Variants in ARMC9 observed in about 807,000 individuals in gnomAD.
ARMC9 encodes lisH domain-containing protein ARMC9.
In ARMC9, 94 loss-of-function variants were observed where a neutral mutation model predicts 107.0. That is an observed-to-expected ratio of 0.88 (90% CI 0.74 to 1.04). The LOEUF (loss-of-function observed/expected upper bound fraction) is 1.04. Ranked by LOEUF, ARMC9 falls within the 50% of genes least tolerant of loss-of-function variation. ARMC9 has a pLI of 0.00. For missense variants in ARMC9, 942 were observed against 1,030.1 expected (o/e 0.91, Z 1.17); for synonymous variants, 380 against 396.9 (o/e 0.96, Z 0.51).
In ARMC9 at chr2:231,358,989, G is replaced by A. The variant is rs992609245; in HGVS notation, c.2132-1765G>A. 3.3e-5 allele frequency among the ~76,000 whole-genome samples: 5 copies of A among 151,902 alleles called. No homozygotes were observed. Among genetic ancestry groups the A allele is most frequent in the African/African-American group, 9.7e-5 (4 of 41,290 alleles). ...AGCCCTGTCTGAAATGGACCAGCAG[G>A]CAAGAGATACTACTGTCCCAGGAAG... On this transcript the variant is annotated intron_variant, in intron 22 of 24. Transcript: ENST00000611582. This position sits in a 1 kb window ranked among gnomAD's most constrained non-coding sequence, Gnocchi z 4.5.
chr2:231,273,605 G>A (rs2039516379), intron 14 of ARMC9, among the ~76,000 whole-genome samples: 1 of 152,134 alleles, frequency 6.6e-6, no homozygotes, highest in South Asian at 2.1e-4. Flanking sequence ...AGTAGAGACA[G>A]GATTTTACCA....
intron 19 of ARMC9, among the ~76,000 whole-genome samples, chr2:231,298,457 A>G (rs2041518232): frequency 1.3e-5 from 2 of 152,216 alleles, no homozygotes; most frequent in Non-Finnish European, 2.9e-5. Context: ...GAGAAGTAGC[A>G]CTGTTGTTGG....
Position 231,255,320 on chromosome 2 carries a change from G to GT in ARMC9, c.880-1260dup, listed in dbSNP as rs1680132345. Among the ~76,000 whole-genome samples the GT allele has an allele frequency of 6.6e-6, 1 of 152,142 alleles. No homozygotes were observed. The highest frequency in any genetic ancestry group is 1.9e-4 in the East Asian group (1 of 5,170). On this transcript the variant is annotated intron_variant, in intron 9 of 24. Coordinates refer to ENST00000611582, the MANE Select transcript of ARMC9 (RefSeq NM_001352754.2). The surrounding 1 kb of genome is among the most constrained non-coding windows in gnomAD (Gnocchi z 4.7). ...GTGGGGTGGAAGAGGGGTTGTTAAT[G>GT]TTTTTTAAACACGTGTAGAAAATGT...
intron 17 of ARMC9, among the ~76,000 whole-genome samples, chr2:231,283,846 C>T (rs1245029348): frequency 6.6e-6 from 1 of 152,196 alleles, no homozygotes; most frequent in African/African-American, 2.4e-5. Context: ...CATCCTCCTG[C>T]CTCAGCTTAT....
intron 19 of ARMC9, among the ~76,000 whole-genome samples, chr2:231,308,860 A>G (rs1394904140): frequency 6.6e-6 from 1 of 152,240 alleles, no homozygotes; most frequent in Non-Finnish European, 1.5e-5. Flanking sequence ...GCCAGAGGCT[A>G]GCTGCTCTCC....
chr2:231,257,640 A>T (rs2125405969), intron 10 of ARMC9, among the ~76,000 whole-genome samples: 1 of 152,216 alleles, frequency 6.6e-6, no homozygotes, highest in South Asian at 2.1e-4. Flanking sequence ...GTGACTGGGG[A>T]TTACTTGTTT....
At chr2:231,327,434 T>C (rs1439220213) in intron 19 of ARMC9, among the ~76,000 whole-genome samples, 1 of 152,198 alleles carries the variant, frequency 6.6e-6, no homozygotes, top group Non-Finnish European at 1.5e-5. Context: ...TGGAATCATA[T>C]AGTATGCAAC....
chr2:231,270,068 G>C (rs559195412), intron 12 of ARMC9, among the ~76,000 whole-genome samples: 1 of 152,124 alleles, frequency 6.6e-6, no homozygotes, highest in Admixed American at 6.5e-5. Flanking sequence ...TGATTTCACG[G>C]TCTCTAATTC....
chr2:231,237,242 G>A (rs1574725093), intron 8 of ARMC9, among the ~76,000 whole-genome samples: 3 of 150,962 alleles, frequency 2.0e-5, no homozygotes, highest in East Asian at 3.9e-4. Context: ...CCCTTAGTTG[G>A]GATCATATGA....
Position 231,214,791 on chromosome 2 carries a change from A to C in ARMC9, c.178-40A>C, listed in dbSNP as rs182291206. On this transcript the variant is annotated intron_variant, in intron 3 of 24. Coordinates refer to ENST00000611582, the MANE Select transcript of ARMC9 (RefSeq NM_001352754.2). The stretch of plus-strand genomic sequence containing the variant: ...GGGTTGTGAGAATTTTGGGTGTTGA[A>C]ATTTACAACGAGGTATGTAGTCTGA... The C allele has an allele frequency of 8.1e-6, 13 of 1,596,952 alleles. No individual in the cohort carries two copies. The East Asian group carries it at 2.7e-4, about 33-fold the overall frequency.
rs575744311 is a variant in ARMC9 at position 231,364,799 on chromosome 2, A to C, written c.2261+3916A>C. Among the ~76,000 whole-genome samples the C allele has an allele frequency of 6.0e-3, 657 of 108,656 alleles. 6 individuals carry two copies. Among genetic ancestry groups the C allele is most frequent in the African/African-American group, 0.056 (621 of 11,120 alleles). 71.3% of individuals were successfully genotyped at this position (108,656 alleles called of 152,430 possible). A position where few individuals can be genotyped will look rare whatever the true frequency, so the allele number is the denominator to read the frequency against. On this transcript the variant is annotated intron_variant, in intron 23 of 24. Transcript: ENST00000611582. ...GACAACAGGGCAAGATTTCATTTCAAAAAAAAAAAAGAAAGAAAGAAAGTG... is the reference window on the plus strand; with the variant it reads ...GACAACAGGGCAAGATTTCATTTCACAAAAAAAAAAGAAAGAAAGAAAGTG...
chr2:231,247,681 A>C (rs2036903012), intron 9 of ARMC9, among the ~76,000 whole-genome samples: 2 of 152,198 alleles, frequency 1.3e-5, no homozygotes, highest in African/African-American at 2.4e-5. Flanking sequence ...CTGTAATCCC[A>C]GCACTTTGGG....
chr2:231,223,495 A>G (rs77913620), intron 6 of ARMC9, among the ~76,000 whole-genome samples: 2,001 of 152,328 alleles, frequency 0.013, 48 homozygotes, highest in African/African-American at 0.046. Flanking sequence ...AAAGACAAGT[A>G]TCTCCTTTTA....
intron 21 of ARMC9, among the ~76,000 whole-genome samples, chr2:231,350,042 AT>A (rs2044994361): frequency 6.7e-6 from 1 of 149,398 alleles, no homozygotes; most frequent in African/African-American, 2.5e-5. Flanking sequence ...AAAAAAAAAA[AT>A]TGAGGGGAAG....
intron 22 of ARMC9, among the ~76,000 whole-genome samples, chr2:231,356,316 A>C (rs2045343345): frequency 6.6e-6 from 1 of 152,202 alleles, no homozygotes; most frequent in Non-Finnish European, 1.5e-5. Flanking sequence ...GGCTGGACGG[A>C]GGCAGAAATG....
rs201558091 is a variant in ARMC9, at chr2:231,282,113, C to T, written c.1606C>T (p.Arg536Cys). The T allele has an allele frequency of 6.8e-6, 11 of 1,613,908 alleles. No homozygotes were observed. Among genetic ancestry groups the T allele is most frequent in the Admixed American group, 1.7e-5 (1 of 59,984 alleles). ...LYSILSVPSI[R>C]EEARAMGMED... The stretch of plus-strand genomic sequence containing the variant: ...CAGCATCCTTTCTGTTCCATCCATT[C>T]GTGAGGAAGCAAGAGCAATGGTAAG... Residue 536 changes from arginine (R) to cysteine (C), a missense_variant, in exon 17 of 25, where the codon CGT becomes TGT. Coordinates refer to ENST00000611582, the MANE Select transcript of ARMC9 (RefSeq NM_001352754.2).
intron 18 of ARMC9, among the ~76,000 whole-genome samples, chr2:231,292,296 C>T (rs550285628): frequency 1.3e-5 from 2 of 152,318 alleles, no homozygotes; most frequent in African/African-American, 4.8e-5. Context: ...AAACCCTCCC[C>T]TAACCTTGTA....
intron 20 of ARMC9, among the ~76,000 whole-genome samples, chr2:231,338,374 G>A (rs545380772): frequency 2.6e-5 from 4 of 151,940 alleles, no homozygotes; most frequent in African/African-American, 9.7e-5. Flanking sequence ...ACAGGCGTAT[G>A]TGCCACTACG....
chr2:231,314,535 T>C (rs979937500), intron 19 of ARMC9, among the ~76,000 whole-genome samples: 2 of 152,222 alleles, frequency 1.3e-5, no homozygotes, highest in Non-Finnish European at 2.9e-5. Context: ...CTATTGACAT[T>C]TTGGGCCAGA....
Sources: allele counts gnomAD v4.1 joint callset (sites outside exome capture counted in the v4.1 genomes callset), GRCh38; gene constraint gnomAD v4.1.1; non-coding constraint Gnocchi (gnomAD v3.1); transcripts MANE v1.5; gene names NCBI Gene and HGNC (gene_info 2026-07-23, HGNC 2026-07-21).